The following KIAA1217 variants were observed in gnomAD, a reference collection of about 807,000 sequenced individuals.
KIAA1217 encodes KIAA1217, also known as sickle tail protein homolog.
A neutral mutation model predicts 163.9 loss-of-function variants in KIAA1217; 88 were observed. The observed-to-expected ratio is 0.54, with a 90% CI of 0.45 to 0.64. The LOEUF (loss-of-function observed/expected upper bound fraction) is 0.64. Ranked by LOEUF, KIAA1217 falls within the 30% of genes least tolerant of loss-of-function variation. The probability of loss-of-function intolerance (pLI) is 0.00; values close to 1 mark genes in which losing one functional copy is unlikely to be tolerated. For missense variants in KIAA1217, 2,372 were observed against 2,475.0 expected (o/e 0.96, Z 0.88); for synonymous variants, 903 against 923.1 (o/e 0.98, Z 0.39).
chr10:24,544,390 C>T lies in KIAA1217; in HGVS notation c.5120C>T (p.Ala1707Val), dbSNP rs1564911056. The change falls in exon 19 of 21, where the codon GCC (alanine) becomes GTC (valine). Residue 1707 changes from alanine to valine, a missense_variant. Ala to Val is a moderately conservative substitution (Grantham distance 64, BLOSUM62 0). Transcript: ENST00000376454. ...TCTGTTGCAAGTTCATCCCACATAG[C>T]CCAAGAGGCCTCTCCCCGACCCTTG... ...RDSVASSSHI[A>V]QEASPRPLLV... 6 of 1,614,108 alleles carry T rather than the reference C, an allele frequency of 3.7e-6. No homozygotes were observed. The highest frequency in any genetic ancestry group is 5.1e-6 in the Non-Finnish European group (6 of 1,180,024).
At chr10:24,387,345 G>A (rs1479682494) in intron 3 of KIAA1217, among the ~76,000 whole-genome samples, 1 of 152,102 alleles carries the variant, frequency 6.6e-6, no homozygotes, top group East Asian at 1.9e-4. Flanking sequence ...CCTTCGACAA[G>A]ATTAAACAGC....
intron 2 of KIAA1217, among the ~76,000 whole-genome samples, chr10:24,338,934 A>C (rs2046726632): frequency 6.6e-6 from 1 of 152,216 alleles, no homozygotes; most frequent in African/African-American, 2.4e-5. Flanking sequence ...TTCCATTTAC[A>C]TGGAGAAGGA....
chr10:24,278,854 C>CTTTTTTTTTTTTTT (rs11288814), intron 2 of KIAA1217, among the ~76,000 whole-genome samples: 2 of 140,844 alleles, frequency 1.4e-5, no homozygotes, highest in African/African-American at 2.6e-5. Flanking sequence ...ACTCAGATTA[C>CTTTTTTTTTTTTTT]TTTTTTTTTT....
Position 24,330,015 on chromosome 10 carries a change from A to G in KIAA1217, c.355-50854A>G, listed in dbSNP as rs2045452380. 4.6e-5 allele frequency among the ~76,000 whole-genome samples: 7 copies of G among 152,228 alleles called. No homozygotes were observed. In the South Asian group the frequency reaches 1.5e-3, roughly 32 times the overall value. On this transcript the variant is annotated intron_variant, in intron 2 of 20. Coordinates refer to ENST00000376454, the MANE Select transcript of KIAA1217 (RefSeq NM_019590.5). ...TGTGGGTTGCTTAAGAATAAGCAGA[A>G]ACGGCTGGGCGTGGTGGCTCACACC...
intron 2 of KIAA1217, among the ~76,000 whole-genome samples, chr10:24,197,343 GA>G: frequency 6.6e-6 from 1 of 152,306 alleles, no homozygotes; most frequent in East Asian, 1.9e-4. Flanking sequence ...CTGACTTATG[GA>G]AAAAAGATGG....
At chr10:24,297,763 A>AAAAAATTT (rs1474643414) in intron 2 of KIAA1217, among the ~76,000 whole-genome samples, 1 of 152,142 alleles carries the variant, frequency 6.6e-6, no homozygotes, top group Non-Finnish European at 1.5e-5. Flanking sequence ...CTCAAAAAAT[A>AAAAAATTT]AAAAATTTAA....
intron 3 of KIAA1217, among the ~76,000 whole-genome samples, chr10:24,385,409 C>T (rs180895536): frequency 2.0e-5 from 3 of 152,312 alleles, no homozygotes; most frequent in Admixed American, 2.0e-4. Context: ...TCTTAGACAT[C>T]ACTGGTGTCT....
chr10:23,958,063 G>A (rs529461702), intron 1 of KIAA1217, among the ~76,000 whole-genome samples: 1 of 152,252 alleles, frequency 6.6e-6, no homozygotes, highest in African/African-American at 2.4e-5. Context: ...TAATACTTTG[G>A]GAGTATACTT....
chr10:24,423,875 AT>A lies in KIAA1217; in HGVS notation c.554-9118del, dbSNP rs772072480. Among the ~76,000 whole-genome samples the A allele has an allele frequency of 5.3e-4, 81 of 152,254 alleles. 1 individual carries two copies. In the Middle Eastern group the frequency reaches 0.017, roughly 32 times the overall value. ...AATTGGAATTTAGCTTAAAATTATT[AT>A]TGCCTGGAATTTCTCAGTCCTTCAT... is the stretch of plus-strand genomic sequence containing the variant. On this transcript the variant is annotated intron_variant, in intron 3 of 20. Transcript: ENST00000376454.
At position 24,360,485 on chromosome 10, in the gene KIAA1217, C is replaced by T. The variant is rs375871478; in HGVS notation, c.355-20384C>T. ...CAGCAATCAAGCCTCTCCCTTCTATCGTGGGCTTTAACTATGCAAGCAGTC... is the reference window on the plus strand; with the variant it reads ...CAGCAATCAAGCCTCTCCCTTCTATTGTGGGCTTTAACTATGCAAGCAGTC... On this transcript the variant is annotated intron_variant, in intron 2 of 20. Transcript: ENST00000376454. 4.6e-5 allele frequency among the ~76,000 whole-genome samples: 7 copies of T among 152,326 alleles called. No individual in the cohort carries two copies. The East Asian group carries it at 9.6e-4, about 21-fold the overall frequency.
intron 6 of KIAA1217, among the ~76,000 whole-genome samples, chr10:24,483,991 G>A (rs1351134536): frequency 2.0e-5 from 3 of 151,884 alleles, no homozygotes; most frequent in Non-Finnish European, 2.9e-5. Context: ...CCCTGGATCC[G>A]AGAAAGCCTG....
intron 1 of KIAA1217, among the ~76,000 whole-genome samples, chr10:23,940,417 G>A (rs1295493351): frequency 2.2e-5 from 3 of 133,550 alleles, no homozygotes; most frequent in African/African-American, 5.8e-5. Context: ...CCGAGATTGC[G>A]CCGCTGAACT....
At chr10:24,325,258 G>A (rs958839377) in intron 2 of KIAA1217, among the ~76,000 whole-genome samples, 2 of 152,134 alleles carry the variant, frequency 1.3e-5, no homozygotes, top group Admixed American at 6.6e-5. Flanking sequence ...TATCTTTCAG[G>A]TATGGAACTC....
intron 1 of KIAA1217, among the ~76,000 whole-genome samples, chr10:23,768,956 G>C (rs993652253): frequency 6.6e-6 from 1 of 152,126 alleles, no homozygotes; most frequent in Non-Finnish European, 1.5e-5. Flanking sequence ...CTAAGGACTG[G>C]GAGTCCTGCA....
intron 2 of KIAA1217, among the ~76,000 whole-genome samples, chr10:24,263,653 G>A (rs1402814177): frequency 6.6e-6 from 1 of 152,084 alleles, no homozygotes; most frequent in Non-Finnish European, 1.5e-5. Flanking sequence ...TGCTTTTTAG[G>A]TGTGAGGCGC....
At chr10:24,106,086 C>T (rs890713565) in intron 2 of KIAA1217, among the ~76,000 whole-genome samples, 2 of 152,176 alleles carry the variant, frequency 1.3e-5, no homozygotes, top group Non-Finnish European at 2.9e-5. Flanking sequence ...GACAATACCA[C>T]ACCACATATC....
intron 2 of KIAA1217, among the ~76,000 whole-genome samples, chr10:24,157,095 G>T (rs2064911872): frequency 6.6e-6 from 1 of 152,140 alleles, no homozygotes; most frequent in South Asian, 2.1e-4. Flanking sequence ...CAAAACTGTT[G>T]CCCAAAGTGC....
chr10:24,132,442 A>G (rs1283112138), intron 2 of KIAA1217, among the ~76,000 whole-genome samples: 1 of 152,228 alleles, frequency 6.6e-6, no homozygotes, highest in African/African-American at 2.4e-5. Flanking sequence ...CTATAGCTAC[A>G]TATTGCCTAT....
intron 6 of KIAA1217, chr10:24,482,838 A>G (rs1189136259): frequency 1.3e-5 from 2 of 152,276 alleles, no homozygotes; most frequent in East Asian, 3.9e-4. Context: ...TGGGCAACAG[A>G]GTGAGATCCC....
Sources: allele counts gnomAD v4.1 joint callset (sites outside exome capture counted in the v4.1 genomes callset), GRCh38; gene constraint gnomAD v4.1.1; transcripts MANE v1.5; gene names NCBI Gene and HGNC (gene_info 2026-07-23, HGNC 2026-07-21).